Variants in SMYD3 observed in about 807,000 individuals in gnomAD.
The protein encoded by SMYD3 is SET and MYND domain containing 3.
A neutral mutation model predicts 57.7 loss-of-function variants in SMYD3; 36 were observed. That is an observed-to-expected ratio of 0.62 (90% confidence interval 0.48 to 0.82). SMYD3 has a LOEUF of 0.82. SMYD3 is among the 40% of genes least tolerant of loss of function. The pLI is 0.00. For missense variants in SMYD3, 515 were observed against 538.8 expected (o/e 0.96, Z 0.44); for synonymous variants, 211 against 195.0 (o/e 1.08, Z -0.68).
At chr1:245,868,880 A>T (rs969117867) in intron 8 of SMYD3, among the ~76,000 whole-genome samples, 5 of 152,200 alleles carry the variant, frequency 3.3e-5, no homozygotes, top group African/African-American at 1.2e-4. Context: ...GAAAACATTC[A>T]GTTGCACAGG....
intron 5 of SMYD3, among the ~76,000 whole-genome samples, chr1:246,322,881 T>A (rs1031742686): frequency 6.6e-6 from 1 of 152,226 alleles, no homozygotes; most frequent in Non-Finnish European, 1.5e-5. Flanking sequence ...ATTTTAAACA[T>A]CAAGCTCTTA....
chr1:246,269,912 A>C (rs1418046555), intron 5 of SMYD3, among the ~76,000 whole-genome samples: 1 of 152,132 alleles, frequency 6.6e-6, no homozygotes, highest in Admixed American at 6.5e-5. Context: ...CATGAGGTTT[A>C]CCTTCCCAAG....
chr1:245,842,910 A>G (rs900849334), intron 10 of SMYD3, among the ~76,000 whole-genome samples: 1 of 152,068 alleles, frequency 6.6e-6, no homozygotes, highest in Non-Finnish European at 1.5e-5. Context: ...AGGTCTTCCT[A>G]TGTTACCCCA....
At chr1:246,049,289 T>TG (rs2060022711) in intron 5 of SMYD3, among the ~76,000 whole-genome samples, 2 of 152,038 alleles carry the variant, frequency 1.3e-5, no homozygotes, top group South Asian at 4.2e-4. Flanking sequence ...CTATGTGTTT[T>TG]TTTTGTTTGT....
intron 1 of SMYD3, among the ~76,000 whole-genome samples, chr1:246,370,288 A>G (rs1458683972): frequency 6.6e-6 from 1 of 152,226 alleles, no homozygotes; most frequent in Non-Finnish European, 1.5e-5. Context: ...ACCAACACAC[A>G]TCACTTGCAG....
At chr1:245,835,987 C>T (rs1461262004) in intron 10 of SMYD3, among the ~76,000 whole-genome samples, 2 of 152,098 alleles carry the variant, frequency 1.3e-5, no homozygotes, top group Admixed American at 6.5e-5. Flanking sequence ...CAGAGAGGGT[C>T]GAGAGACAAC....
intron 5 of SMYD3, among the ~76,000 whole-genome samples, chr1:246,160,142 A>G (rs1397197017): frequency 2.6e-5 from 4 of 152,280 alleles, no homozygotes; most frequent in Non-Finnish European, 4.4e-5. Flanking sequence ...TGCTTTAACA[A>G]TATGCCTCTG....
intron 1 of SMYD3, among the ~76,000 whole-genome samples, chr1:246,378,735 T>TAAATATAATTA: frequency 9.6e-6 from 1 of 103,916 alleles, no homozygotes; most frequent in Non-Finnish European, 1.8e-5. Context: ...TTATATATTA[T>TAAATATAATTA]ATATAATTAT....
rs1572925096 is a variant in SMYD3, at chr1:246,036,727, T to TTTTTTC, written c.532-106791_532-106790insGAAAAA. ...TGCCACTAAGCCCGGCTAATTTTTTTTTTTTTTTTTGTACTTTTAGTAGAG... is the reference window on the plus strand; with the variant it reads ...TGCCACTAAGCCCGGCTAATTTTTTTTTTTTCTTTTTTTTTTGTACTTTTAGTAGAG... On this transcript the variant is annotated intron_variant, in intron 5 of 11. Transcript: ENST00000490107. Among the ~76,000 whole-genome samples the TTTTTTC allele has an allele frequency of 2.0e-5, 3 of 147,298 alleles. No homozygotes were observed. In the East Asian group the frequency reaches 6.3e-4, roughly 31 times the overall value.
At chr1:246,092,956 A>C (rs574205550) in intron 5 of SMYD3, among the ~76,000 whole-genome samples, 1 of 152,282 alleles carries the variant, frequency 6.6e-6, no homozygotes, top group South Asian at 2.1e-4. Context: ...AAATTAACTG[A>C]ATAAACTGAA....
chr1:246,048,017 T>C (rs1002685471), intron 5 of SMYD3, among the ~76,000 whole-genome samples: 1 of 151,988 alleles, frequency 6.6e-6, no homozygotes, highest in Non-Finnish European at 1.5e-5. Flanking sequence ...CTAGCGAAAA[T>C]ATCCGTAAAA....
At chr1:246,093,150 T>C (rs2060851051) in intron 5 of SMYD3, among the ~76,000 whole-genome samples, 1 of 152,194 alleles carries the variant, frequency 6.6e-6, no homozygotes, top group Admixed American at 6.5e-5. Flanking sequence ...GGAACTCTCA[T>C]ATCCTGTTGG....
rs181062551 is a variant in SMYD3, at chr1:245,910,608, C to T, written c.813+4922G>A. ...TGGACCAATGGAACACATGAAAGAA[C>T]GTAGAAACAAATCCACACATTTAGT... On this transcript the variant is annotated intron_variant, in intron 8 of 11. Transcript: ENST00000490107. Among the ~76,000 whole-genome samples the T allele has an allele frequency of 3.9e-5, 6 of 152,008 alleles. No homozygotes were observed. In the East Asian group the frequency reaches 5.8e-4, roughly 15 times the overall value.
chr1:246,270,898 T>C (rs2064207840), intron 5 of SMYD3, among the ~76,000 whole-genome samples: 1 of 152,186 alleles, frequency 6.6e-6, no homozygotes, highest in South Asian at 2.1e-4. Flanking sequence ...CGCCATACTG[T>C]TTGCCACAGT....
intron 10 of SMYD3, among the ~76,000 whole-genome samples, chr1:245,809,471 GGAGTA>G (rs1389048226): frequency 2.0e-5 from 3 of 152,176 alleles, no homozygotes; most frequent in African/African-American, 7.2e-5. Flanking sequence ...AAAGGAGGAA[GGAGTA>G]GAGTTCTAAC....
chr1:246,266,923 A>AT lies in SMYD3; in HGVS notation c.531+60277dup, dbSNP rs544445341. Among the ~76,000 whole-genome samples, 303 of 152,236 alleles carry AT rather than the reference A, an allele frequency of 2.0e-3. 1 individual carries two copies. Among genetic ancestry groups the AT allele is most frequent in the Non-Finnish European group, 3.7e-3 (249 of 68,016 alleles). On this transcript the variant is annotated intron_variant, in intron 5 of 11. Coordinates refer to ENST00000490107, the MANE Select transcript of SMYD3 (RefSeq NM_001167740.2). Reference sequence around the variant, plus strand: ...AAAAAAAGTAAACTGCGAAAATAATATTTTTTTCCTTTTCTTATTCATTTT... The same window carrying AT: ...AAAAAAAGTAAACTGCGAAAATAATATTTTTTTTCCTTTTCTTATTCATTTT...
intron 5 of SMYD3, among the ~76,000 whole-genome samples, chr1:246,090,963 C>G (rs1251671088): frequency 6.6e-6 from 1 of 152,138 alleles, no homozygotes; most frequent in Non-Finnish European, 1.5e-5. Context: ...GTCGGGGAAA[C>G]CAAGGTACAG....
intron 1 of SMYD3, among the ~76,000 whole-genome samples, chr1:246,425,625 T>C (rs537839776): frequency 2.6e-5 from 4 of 152,348 alleles, no homozygotes; most frequent in Non-Finnish European, 4.4e-5. Flanking sequence ...GTAGATTCCA[T>C]GTAGCTTCAC....
intron 10 of SMYD3, among the ~76,000 whole-genome samples, chr1:245,835,480 A>T (rs1198286336): frequency 6.6e-6 from 1 of 152,200 alleles, no homozygotes; most frequent in Non-Finnish European, 1.5e-5. Flanking sequence ...TGGGGATAAA[A>T]ATACATACTT....
Sources: allele counts gnomAD v4.1 joint callset (sites outside exome capture counted in the v4.1 genomes callset), GRCh38; gene constraint gnomAD v4.1.1; transcripts MANE v1.5; gene names NCBI Gene and HGNC (gene_info 2026-07-23, HGNC 2026-07-21).